Variants in PTPRD observed in about 807,000 individuals in gnomAD.
The protein encoded by PTPRD is protein tyrosine phosphatase receptor type D.
Under a neutral mutation model 214.5 loss-of-function variants are expected in PTPRD, and 34 were observed. That is an observed-to-expected ratio of 0.16 (90% CI 0.12 to 0.21). The LOEUF (loss-of-function observed/expected upper bound fraction) is 0.21. Ranked by LOEUF, PTPRD falls within the 10% of genes least tolerant of loss-of-function variation. PTPRD has a pLI of 1.00. For synonymous variants in PTPRD, 1,128 were observed against 845.7 expected (o/e 1.33, Z -5.79); for missense variants, 2,545 against 2,398.7 (o/e 1.06, Z -1.27).
chr9:9,953,883 T>A (rs1023179280), intron 4 of PTPRD, among the ~76,000 whole-genome samples: 3 of 152,186 alleles, frequency 2.0e-5, no homozygotes, highest in Non-Finnish European at 2.9e-5. Flanking sequence ...CACTCAATGT[T>A]GCAACTAGCC....
chr9:9,484,395 G>A (rs2095541126), intron 8 of PTPRD, among the ~76,000 whole-genome samples: 1 of 152,018 alleles, frequency 6.6e-6, no homozygotes, highest in Non-Finnish European at 1.5e-5. Context: ...AAAGGGAATG[G>A]GGTATTTTTT....
intron 3 of PTPRD, among the ~76,000 whole-genome samples, chr9:10,111,859 G>T (rs2098694215): frequency 1.3e-5 from 2 of 152,138 alleles, no homozygotes; most frequent in African/African-American, 4.8e-5. Context: ...TATATTGGAA[G>T]CACGAGAATT....
intron 3 of PTPRD, among the ~76,000 whole-genome samples, chr9:10,156,078 TTGTGTGTGTGTGTGTGTGTG>T (rs71485323): frequency 6.0e-5 from 8 of 132,546 alleles, no homozygotes; most frequent in Non-Finnish European, 1.1e-4. Context: ...TTTTGAATGT[TTGTGTGTGTGTGTGTGTGTG>T]TGTGTGTGTG....
intron 12 of PTPRD, among the ~76,000 whole-genome samples, chr9:8,649,045 G>C (rs773775551): frequency 6.6e-5 from 10 of 152,288 alleles, no homozygotes; most frequent in East Asian, 3.9e-4. Flanking sequence ...AGGAACATGA[G>C]AGCGGATAAA....
At chr9:9,822,938 C>A (rs754936837) in intron 5 of PTPRD, among the ~76,000 whole-genome samples, 1 of 152,058 alleles carries the variant, frequency 6.6e-6, no homozygotes, top group Non-Finnish European at 1.5e-5. Flanking sequence ...AATAGTACTA[C>A]CATTTATTCC....
intron 11 of PTPRD, among the ~76,000 whole-genome samples, chr9:8,858,626 G>C (rs1032385631): frequency 8.5e-5 from 13 of 152,172 alleles, no homozygotes; most frequent in Non-Finnish European, 1.6e-4. Flanking sequence ...CTGGGGGATT[G>C]TGTGTGCGCG....
rs2098756703 is a variant in PTPRD, at chr9:10,119,349, G to C, written c.-544-85559C>G. Among the ~76,000 whole-genome samples, 4 of 152,106 alleles carry C rather than the reference G, an allele frequency of 2.6e-5. No homozygotes were observed. The South Asian group carries it at 8.3e-4, about 32-fold the overall frequency. Reference sequence around the variant, plus strand: ...TTATTATCTTAACCATCTCCATAGTGTTTGCCTTCTATGGTACACTGGATT... The same window carrying C: ...TTATTATCTTAACCATCTCCATAGTCTTTGCCTTCTATGGTACACTGGATT... On this transcript the variant is annotated intron_variant, in intron 3 of 45. Transcript: ENST00000381196.
intron 3 of PTPRD, among the ~76,000 whole-genome samples, chr9:10,306,400 G>C (rs2096070382): frequency 6.6e-6 from 1 of 151,912 alleles, no homozygotes; most frequent in Non-Finnish European, 1.5e-5. Context: ...TTCTGCACAT[G>C]TACCCCAAAA....
At chr9:9,385,142 T>A (rs985624401) in intron 9 of PTPRD, among the ~76,000 whole-genome samples, 1 of 152,092 alleles carries the variant, frequency 6.6e-6, no homozygotes, top group South Asian at 2.1e-4. Flanking sequence ...AAAAAAAGAA[T>A]AATGAACCCA....
At chr9:8,967,918 G>A (rs1164241766) in intron 11 of PTPRD, among the ~76,000 whole-genome samples, 2 of 151,820 alleles carry the variant, frequency 1.3e-5, no homozygotes, top group East Asian at 1.9e-4. Flanking sequence ...TCCACCCCAC[G>A]AGAGGCCCCG....
chr9:8,826,466 ACCCTCCAGCCCTGCTGGCCT>A (rs1293060407), intron 11 of PTPRD, among the ~76,000 whole-genome samples: 1 of 151,704 alleles, frequency 6.6e-6, no homozygotes, highest in Non-Finnish European at 1.5e-5. Context: ...CCAGTCCACC[ACCCTCCAGCCCTGCTGGCCT>A]CCCTTCCGTT....
intron 14 of PTPRD, among the ~76,000 whole-genome samples, chr9:8,546,690 G>C (rs893763564): frequency 6.6e-6 from 1 of 151,902 alleles, no homozygotes; most frequent in Non-Finnish European, 1.5e-5. Flanking sequence ...AGTAGAGATG[G>C]GGTTTCACCA....
At chr9:9,019,940 T>A (rs2099556897) in intron 10 of PTPRD, among the ~76,000 whole-genome samples, 1 of 152,128 alleles carries the variant, frequency 6.6e-6, no homozygotes. Flanking sequence ...TCTATGTGAA[T>A]AGCTGAGGCA....
At chr9:9,418,745 T>C (rs2077729412) in intron 8 of PTPRD, among the ~76,000 whole-genome samples, 1 of 151,950 alleles carries the variant, frequency 6.6e-6, no homozygotes, top group Non-Finnish European at 1.5e-5. Context: ...TTAGACATAG[T>C]CTTTGCTCTT....
intron 3 of PTPRD, among the ~76,000 whole-genome samples, chr9:10,157,655 C>T (rs1319450879): frequency 6.6e-6 from 1 of 152,030 alleles, no homozygotes; most frequent in African/African-American, 2.4e-5. Flanking sequence ...GGTTTCTCGA[C>T]ATTTTTAAAT....
chr9:10,184,066 A>T, intron 3 of PTPRD, among the ~76,000 whole-genome samples: 1 of 152,246 alleles, frequency 6.6e-6, no homozygotes. Flanking sequence ...GGAAAGAATC[A>T]TAAGGTAGGA....
intron 14 of PTPRD, among the ~76,000 whole-genome samples, chr9:8,574,933 A>C (rs1448638532): frequency 6.6e-6 from 1 of 152,140 alleles, no homozygotes; most frequent in Admixed American, 6.6e-5. Flanking sequence ...TTCATTAATT[A>C]AAAAATCAAT....
At chr9:9,479,858 A>T (rs1165337196) in intron 8 of PTPRD, among the ~76,000 whole-genome samples, 1 of 152,198 alleles carries the variant, frequency 6.6e-6, no homozygotes. Flanking sequence ...TCAATTTTCT[A>T]ATGAAGATGG....
intron 8 of PTPRD, among the ~76,000 whole-genome samples, chr9:9,537,465 C>G (rs1365981387): frequency 6.6e-6 from 1 of 151,880 alleles, no homozygotes; most frequent in Non-Finnish European, 1.5e-5. Context: ...CGTGGAGTTC[C>G]TGAAAAAGAC....
Sources: gnomAD v4.1 joint callset for allele counts (sites outside exome capture counted in the v4.1 genomes callset) on GRCh38, gnomAD v4.1.1 for gene constraint, MANE v1.5 for transcripts, NCBI Gene and HGNC (gene_info 2026-07-23, HGNC 2026-07-21) for gene names.